OR51B5: variants seen among roughly 807,000 people sequenced by gnomAD.
The protein encoded by OR51B5 is olfactory receptor family 51 subfamily B member 5.
For synonymous variants in OR51B5, 186 were observed against 144.8 expected (o/e 1.28, Z -2.04); for missense variants, 456 against 374.6 (o/e 1.22, Z -1.79).
At chr11:5,343,066 G>T in exon 1 of OR51B5, 2 of 1,613,050 alleles carry the variant, frequency 1.2e-6, no homozygotes, top group Non-Finnish European at 1.7e-6. Flanking sequence ...GGGGAACAAC[G>T]GATACAAATC....
intron 1 of OR51B5, among the ~76,000 whole-genome samples, chr11:5,389,084 A>T (rs1236149231): frequency 1.3e-5 from 2 of 152,226 alleles, no homozygotes; most frequent in African/African-American, 4.8e-5. Flanking sequence ...GATGACATTA[A>T]GAAGAAATAA....
At chr11:5,419,339 G>A (rs1043711378) in intron 1 of OR51B5, among the ~76,000 whole-genome samples, 2 of 152,188 alleles carry the variant, frequency 1.3e-5, no homozygotes, top group Non-Finnish European at 2.9e-5. Context: ...TAAGAACATA[G>A]TGGTAATGTA....
At chr11:5,395,973 G>C (rs1849863935) in intron 1 of OR51B5, among the ~76,000 whole-genome samples, 2 of 152,176 alleles carry the variant, frequency 1.3e-5, no homozygotes, top group South Asian at 2.1e-4. Flanking sequence ...GCATATGAAT[G>C]GCTCTCTAAT....
intron 1 of OR51B5, chr11:5,455,794 T>A (rs1850949675): frequency 6.6e-6 from 1 of 152,064 alleles, no homozygotes; most frequent in South Asian, 2.1e-4. Flanking sequence ...AATGAGATAA[T>A]GTAAGTACTT....
intron 1 of OR51B5, chr11:5,488,755 T>G: frequency 6.2e-7 from 1 of 1,613,986 alleles, no homozygotes; most frequent in South Asian, 1.1e-5. Flanking sequence ...CACCTTCTTC[T>G]TAACAGGGAT....
intron 1 of OR51B5, among the ~76,000 whole-genome samples, chr11:5,477,602 G>A (rs982868043): frequency 6.6e-5 from 10 of 152,164 alleles, no homozygotes; most frequent in South Asian, 2.1e-4. Context: ...CTGAGGTACC[G>A]GGTTCATATC....
At chr11:5,405,605 A>G (rs1230552624) in intron 1 of OR51B5, among the ~76,000 whole-genome samples, 1 of 152,150 alleles carries the variant, frequency 6.6e-6, no homozygotes, top group African/African-American at 2.4e-5. Flanking sequence ...AAACTTTTAA[A>G]TTGGCCTTAT....
In OR51B5 at chr11:5,500,648, G is replaced by A. The variant is rs577680456; in HGVS notation, n.84+4921C>T. On this transcript the variant is annotated intron_variant and non_coding_transcript_variant, in intron 1 of 4. Transcript: ENST00000415970. ...AATAGTCCTAATTGCGGCCTTGCAA[G>A]TAGCTTTACTAAACCACAACCCTGT... Among the ~76,000 whole-genome samples, 6 of 148,198 alleles carry A rather than the reference G, an allele frequency of 4.0e-5. No homozygotes were observed. The South Asian group carries it at 1.3e-3, about 32-fold the overall frequency.
At chr11:5,446,415 A>G (rs1201266166) in intron 1 of OR51B5, among the ~76,000 whole-genome samples, 1 of 152,182 alleles carries the variant, frequency 6.6e-6, no homozygotes, top group East Asian at 1.9e-4. Context: ...GAAATTTTTC[A>G]TAATAAAATG....
At chr11:5,403,859 G>C (rs1850013969) in intron 1 of OR51B5, among the ~76,000 whole-genome samples, 2 of 152,110 alleles carry the variant, frequency 1.3e-5, no homozygotes, top group Non-Finnish European at 2.9e-5. Context: ...AAGGCACCTG[G>C]GAGTTAGAAG....
intron 1 of OR51B5, chr11:5,454,126 T>A: frequency 6.2e-7 from 1 of 1,614,200 alleles, no homozygotes; most frequent in Non-Finnish European, 8.5e-7. Flanking sequence ...GACCTGTTTT[T>A]TATCTTCCTC....
intron 1 of OR51B5, chr11:5,423,072 C>A: frequency 1.2e-6 from 2 of 1,614,070 alleles, no homozygotes; most frequent in Non-Finnish European, 1.7e-6. Flanking sequence ...GTGATGAACC[C>A]CATCATTTAC....
chr11:5,484,743 A>G (rs562610005), intron 1 of OR51B5, among the ~76,000 whole-genome samples: 26 of 152,358 alleles, frequency 1.7e-4, no homozygotes, highest in African/African-American at 5.5e-4. Context: ...AGGAAGTAGC[A>G]AACCTGGGCC....
intron 1 of OR51B5, chr11:5,488,543 G>A: frequency 3.3e-6 from 2 of 600,358 alleles, no homozygotes; most frequent in Middle Eastern, 4.4e-4. Flanking sequence ...ATTATATGTG[G>A]TAGTCATTTC....
intron 1 of OR51B5, among the ~76,000 whole-genome samples, chr11:5,382,902 C>T (rs1384804537): frequency 2.6e-5 from 4 of 152,106 alleles, no homozygotes; most frequent in Non-Finnish European, 5.9e-5. Context: ...AGCTCATCCC[C>T]ACACAACTCT....
intron 1 of OR51B5, among the ~76,000 whole-genome samples, chr11:5,372,295 A>G (rs1204118137): frequency 6.6e-6 from 1 of 152,138 alleles, no homozygotes. Flanking sequence ...CAGCAGAGAA[A>G]TTTCTTCATC....
chr11:5,433,000 G>A (rs192041273), intron 1 of OR51B5, among the ~76,000 whole-genome samples: 1 of 152,148 alleles, frequency 6.6e-6, no homozygotes, highest in East Asian at 1.9e-4. Context: ...TGTTTTGAAT[G>A]AAAGTGAGAC....
At chr11:5,352,221 A>G in intron 1 of OR51B5, 3 of 1,614,068 alleles carry the variant, frequency 1.9e-6, no homozygotes, top group Non-Finnish European at 2.5e-6. Flanking sequence ...CCCTCAACAC[A>G]TGTGTCTCTC....
rs1851403471 is a variant in OR51B5, at chr11:5,480,620, TAAAG to T, written n.84+24945_84+24948del. 2.0e-5 allele frequency among the ~76,000 whole-genome samples: 3 copies of T among 149,418 alleles called. No individual in the cohort carries two copies. The South Asian group carries it at 6.4e-4, about 32-fold the overall frequency. On this transcript the variant is annotated intron_variant and non_coding_transcript_variant, in intron 1 of 4. Coordinates refer to the OR51B5 transcript ENST00000415970. ...ATTGATAGACCGCTAGCAAGACTAA[TAAAG>T]AAAAAAAGACAGAAGAATCAAATAG...
Sources: gnomAD v4.1 joint callset for allele counts (sites outside exome capture counted in the v4.1 genomes callset) on GRCh38, gnomAD v4.1.1 for gene constraint, MANE v1.5 for transcripts, NCBI Gene and HGNC (gene_info 2026-07-23, HGNC 2026-07-21) for gene names.